The following SYT1 variants were observed in gnomAD, a reference collection of about 807,000 sequenced individuals.
SYT1 encodes the protein synaptotagmin 1.
SYT1 carries 8 observed loss-of-function variants against 44.8 expected under a neutral mutation model. The ratio of observed to expected loss-of-function variants is 0.18; its 90% CI spans 0.10 to 0.32. The LOEUF (loss-of-function observed/expected upper bound fraction) is 0.32. SYT1 is among the 10% of genes least tolerant of loss of function. SYT1 has a pLI of 1.00. For synonymous variants in SYT1, 154 were observed against 188.8 expected, an observed-to-expected ratio of 0.82 and a Z score of 1.51; for missense variants, 286 against 509.3, an observed-to-expected ratio of 0.56 and a Z score of 4.22.
chr12:79,280,959 C>A (rs1879018214), intron 4 of SYT1, among the ~76,000 whole-genome samples: 1 of 149,936 alleles, frequency 6.7e-6, no homozygotes, highest in African/African-American at 2.4e-5. Flanking sequence ...TACCACCTTA[C>A]AGTCAGAATG....
At chr12:79,381,731 G>A (rs1157822935) in intron 9 of SYT1, among the ~76,000 whole-genome samples, 11 of 152,198 alleles carry the variant, frequency 7.2e-5, no homozygotes, top group African/African-American at 2.7e-4. Flanking sequence ...TTGCGTGGAA[G>A]CAAGCTGATT....
Position 79,114,944 on chromosome 12 carries a change from T to G in SYT1, c.-18+67582T>G, listed in dbSNP as rs573379205. ...TAAAAAATGAAAAACTGGAATATGT[T>G]AGTATATGCAATTATTCTACATTTT... is the stretch of plus-strand genomic sequence containing the variant. On this transcript the variant is annotated intron_variant, in intron 3 of 10. Transcript: ENST00000261205. Among the ~76,000 whole-genome samples the G allele has an allele frequency of 1.9e-4, 29 of 152,324 alleles. No individual in the cohort carries two copies. The South Asian group carries it at 5.8e-3, about 30-fold the overall frequency.
intron 1 of SYT1, among the ~76,000 whole-genome samples, chr12:78,881,603 T>C (rs1190617875): frequency 6.6e-6 from 1 of 151,734 alleles, no homozygotes. Context: ...ATTTTCTAAC[T>C]GTGTTTGTAA....
At chr12:79,298,284 T>C (rs751005959) in intron 7 of SYT1, among the ~76,000 whole-genome samples, 1 of 152,110 alleles carries the variant, frequency 6.6e-6, no homozygotes, top group Non-Finnish European at 1.5e-5. Flanking sequence ...CCTTCTAAAA[T>C]GGAAAAAGGA....
intron 1 of SYT1, among the ~76,000 whole-genome samples, chr12:78,889,296 T>C (rs1468486914): frequency 6.6e-6 from 1 of 151,940 alleles, no homozygotes; most frequent in Non-Finnish European, 1.5e-5. Flanking sequence ...AATGAGCTTA[T>C]AGCTCCAATC....
intron 1 of SYT1, among the ~76,000 whole-genome samples, chr12:78,865,565 G>T (rs1207262307): frequency 9.5e-4 from 2 of 2,104 alleles, no homozygotes; most frequent in Admixed American, 6.3e-3. Context: ...AGAGGGATAT[G>T]GGGGGGGGGG....
At chr12:79,165,059 T>C (rs1871154685) in intron 3 of SYT1, among the ~76,000 whole-genome samples, 1 of 152,020 alleles carries the variant, frequency 6.6e-6, no homozygotes, top group Non-Finnish European at 1.5e-5. Flanking sequence ...AATAGGGTTG[T>C]TGGTTTTTTT....
intron 1 of SYT1, among the ~76,000 whole-genome samples, chr12:78,883,669 T>C (rs1013871836): frequency 6.6e-6 from 1 of 151,760 alleles, no homozygotes; most frequent in African/African-American, 2.4e-5. Flanking sequence ...ACTAATGTTT[T>C]GGATTATTTG....
chr12:79,281,121 A>G (rs1473299833), intron 4 of SYT1, among the ~76,000 whole-genome samples: 3 of 152,152 alleles, frequency 2.0e-5, no homozygotes, highest in African/African-American at 4.8e-5. Context: ...AAACAGTTCT[A>G]CCATTTGATC....
At chr12:79,047,674 A>G (rs1031521942) in intron 3 of SYT1, among the ~76,000 whole-genome samples, 3 of 151,886 alleles carry the variant, frequency 2.0e-5, no homozygotes, top group African/African-American at 7.2e-5. Flanking sequence ...AGCTAGATGT[A>G]ATCAAAGTGC....
intron 9 of SYT1, among the ~76,000 whole-genome samples, chr12:79,363,186 G>A (rs1015686546): frequency 2.0e-5 from 3 of 152,112 alleles, no homozygotes; most frequent in African/African-American, 7.2e-5. Context: ...GGGAGGAATA[G>A]AGTCCCCACA....
intron 3 of SYT1, among the ~76,000 whole-genome samples, chr12:79,082,677 C>T (rs930900145): frequency 2.6e-5 from 4 of 152,080 alleles, no homozygotes; most frequent in Admixed American, 2.6e-4. Context: ...TGTATCTGAG[C>T]CAATCAGCTG....
chr12:79,168,748 T>C (rs2138339798), intron 3 of SYT1, among the ~76,000 whole-genome samples: 1 of 152,128 alleles, frequency 6.6e-6, no homozygotes, highest in South Asian at 2.1e-4. Context: ...CCAGACATTG[T>C]TTACTGAATG....
At chr12:78,936,449 C>A (rs78000438) in intron 1 of SYT1, among the ~76,000 whole-genome samples, 4,245 of 152,116 alleles carry the variant, frequency 0.028, 178 homozygotes, top group East Asian at 0.16. Flanking sequence ...ATATGTGTTA[C>A]GTCTTTTAAG....
At chr12:79,307,544 G>A (rs1880456922) in intron 8 of SYT1, among the ~76,000 whole-genome samples, 1 of 150,342 alleles carries the variant, frequency 6.7e-6, no homozygotes, top group Non-Finnish European at 1.5e-5. Context: ...AGCCACAGGG[G>A]AATGAAATTT....
rs182759873 is a variant in SYT1, at chr12:79,168,999, T to A, written c.-17-48504T>A. ...TTTGCAGCAATCACCAGTTGAATGC[T>A]TTTGTGAATGAGAAATTAAATGGGT... is the stretch of plus-strand genomic sequence containing the variant. On this transcript the variant is annotated intron_variant, in intron 3 of 10. Transcript: ENST00000261205. Among the ~76,000 whole-genome samples the A allele has an allele frequency of 3.0e-3, 464 of 152,158 alleles. 4 individuals carry two copies. Among genetic ancestry groups the A allele is most frequent in the Non-Finnish European group, 2.4e-3 (166 of 67,972 alleles).
intron 3 of SYT1, among the ~76,000 whole-genome samples, chr12:79,165,026 T>A (rs986127909): frequency 6.6e-6 from 1 of 152,044 alleles, no homozygotes; most frequent in South Asian, 2.1e-4. Flanking sequence ...CTGGAATCCC[T>A]GTGGAAGTGA....
intron 3 of SYT1, among the ~76,000 whole-genome samples, chr12:79,066,963 G>T (rs17046327): frequency 0.046 from 7,074 of 152,184 alleles, 222 homozygotes; most frequent in African/African-American, 0.089. Flanking sequence ...TCAGGGATAG[G>T]TTGGAAATAC....
intron 9 of SYT1, among the ~76,000 whole-genome samples, chr12:79,371,392 A>G (rs1883783269): frequency 6.6e-6 from 1 of 152,224 alleles, no homozygotes; most frequent in Non-Finnish European, 1.5e-5. Context: ...CAGTTGACTC[A>G]CAATGAATAC....
Sources: gnomAD v4.1 joint callset for allele counts (sites outside exome capture counted in the v4.1 genomes callset) on GRCh38, gnomAD v4.1.1 for gene constraint, MANE v1.5 for transcripts, NCBI Gene and HGNC (gene_info 2026-07-23, HGNC 2026-07-21) for gene names.